Variants in CNTNAP4 observed in about 807,000 individuals in gnomAD.
CNTNAP4 encodes the protein contactin associated protein family member 4.
In CNTNAP4, 98 loss-of-function variants were observed where a neutral mutation model predicts 148.4. That is an observed-to-expected ratio of 0.66 (90% CI 0.56 to 0.78). The LOEUF (loss-of-function observed/expected upper bound fraction) is 0.78. Ranked by LOEUF, CNTNAP4 falls within the 30% of genes least tolerant of loss-of-function variation. The pLI, the probability that CNTNAP4 is intolerant of heterozygous loss-of-function variation, is 0.00. For missense variants in CNTNAP4, 1,935 were observed against 1,565.6 expected, an observed-to-expected ratio of 1.24 and a Z score of -3.98; for synonymous variants, 730 against 565.1, an observed-to-expected ratio of 1.29 and a Z score of -4.14.
At chr16:76,557,766 A>C (rs895112240) in intron 23 of CNTNAP4, 1 of 152,196 alleles carries the variant, frequency 6.6e-6, no homozygotes, top group African/African-American at 2.4e-5. Flanking sequence ...CAACAGAGTG[A>C]AAAAGACATC....
At chr16:76,366,993 A>G (rs997846616) in intron 3 of CNTNAP4, among the ~76,000 whole-genome samples, 10 of 152,014 alleles carry the variant, frequency 6.6e-5, no homozygotes, top group Middle Eastern at 3.2e-3. Flanking sequence ...AGAAATAACT[A>G]AGTTAATTAG....
Position 76,538,338 on chromosome 16 carries a change from A to G in CNTNAP4, c.3218A>G (p.Asn1073Ser), listed in dbSNP as rs2084308488. The change falls in exon 19 of 24, where the codon AAT becomes AGT. Residue 1073 changes from asparagine to serine, a missense_variant and splice_region_variant. Asn to Ser is a conservative substitution (Grantham distance 46, BLOSUM62 1). Transcript: ENST00000611870. Reference sequence around the variant, plus strand: ...TACCTTTCTGTGATCATTGCCAAAAATGGTGAGTTCTTTTTAGATGAGAGA... The same window carrying G: ...TACCTTTCTGTGATCATTGCCAAAAGTGGTGAGTTCTTTTTAGATGAGAGA... ...KEYLSVIIAKNGSLQIRYKLN... is the reference protein window; with the variant it reads ...KEYLSVIIAKSGSLQIRYKLN... 2 of 1,600,126 alleles carry G rather than the reference A, an allele frequency of 1.2e-6. No individual in the cohort carries two copies. The highest frequency in any genetic ancestry group is 1.7e-6 in the Non-Finnish European group (2 of 1,172,628).
chr16:76,538,022 A>AT, intron 18 of CNTNAP4, 94 bp from the exon 19 acceptor site: 2 of 501,200 alleles, frequency 4.0e-6, no homozygotes, highest in South Asian at 1.3e-4. Context: ...TATCTATGCA[A>AT]TTCATTAAAG....
At chr16:76,395,518 C>T (rs762097282) in intron 3 of CNTNAP4, among the ~76,000 whole-genome samples, 10 of 151,924 alleles carry the variant, frequency 6.6e-5, no homozygotes, top group Non-Finnish European at 1.2e-4. Context: ...CCTGCCTCAG[C>T]CTCCCAAAGT....
At chr16:76,287,002 G>T (rs1001046763) in intron 1 of CNTNAP4, among the ~76,000 whole-genome samples, 1 of 152,112 alleles carries the variant, frequency 6.6e-6, no homozygotes, top group African/African-American at 2.4e-5. Context: ...GTGCTTATTT[G>T]AACTGCTGTA....
chr16:76,415,930 G>GTT (rs35758749), intron 3 of CNTNAP4, among the ~76,000 whole-genome samples: 11 of 146,206 alleles, frequency 7.5e-5, no homozygotes, highest in African/African-American at 2.5e-4. Flanking sequence ...TATACTGTTT[G>GTT]TTTTTTTTTT....
intron 1 of CNTNAP4, among the ~76,000 whole-genome samples, chr16:76,289,083 T>C (rs1959006420): frequency 6.6e-6 from 1 of 152,072 alleles, no homozygotes; most frequent in African/African-American, 2.4e-5. Context: ...AAAAAAAATT[T>C]ATAGCAAATG....
intron 3 of CNTNAP4, among the ~76,000 whole-genome samples, chr16:76,397,211 G>T (rs1440765188): frequency 6.6e-6 from 1 of 151,928 alleles, no homozygotes; most frequent in Non-Finnish European, 1.5e-5. Flanking sequence ...GCAGAGAACA[G>T]TTTCCAAGCA....
Position 76,558,776 on chromosome 16 carries a change from C to T in CNTNAP4, c.*93C>T, listed in dbSNP as rs2085301514. On this transcript the variant is annotated 3_prime_UTR_variant, in exon 24 of 24. Transcript: ENST00000611870. ...AACGAATGCTCTTACACTGAATGTA[C>T]AGGCAGTGGGCTTGCAGCACTGCCA... 1.0e-6 allele frequency: 1 copy of T among 970,290 alleles called. No homozygotes were observed. Among genetic ancestry groups the T allele is most frequent in the Admixed American group, 2.7e-5 (1 of 36,406 alleles). 60.1% of individuals were successfully genotyped at this position (970,290 alleles called of 1,614,324 possible). A position where few individuals can be genotyped will look rare whatever the true frequency, so the allele number is the denominator to read the frequency against.
At chr16:76,353,117 C>G (rs1465377734) in intron 2 of CNTNAP4, among the ~76,000 whole-genome samples, 1 of 152,086 alleles carries the variant, frequency 6.6e-6, no homozygotes, top group Non-Finnish European at 1.5e-5. Flanking sequence ...AACGCATAAA[C>G]AAAACTTGTA....
At chr16:76,399,048 T>C (rs1205549156) in intron 3 of CNTNAP4, among the ~76,000 whole-genome samples, 1 of 152,114 alleles carries the variant, frequency 6.6e-6, no homozygotes, top group Non-Finnish European at 1.5e-5. Context: ...GGAATTCCCC[T>C]GCGCAAGCTC....
chr16:76,470,572 C>A (rs1429745283), intron 10 of CNTNAP4, among the ~76,000 whole-genome samples: 1 of 149,342 alleles, frequency 6.7e-6, no homozygotes, highest in African/African-American at 2.5e-5. Flanking sequence ...ATCGCTTGAA[C>A]CCGGGAGACG....
intron 3 of CNTNAP4, among the ~76,000 whole-genome samples, chr16:76,420,441 C>T (rs78269425): frequency 0.015 from 2,304 of 152,014 alleles, 58 homozygotes; most frequent in African/African-American, 0.053. Context: ...ACCAGAAGCA[C>T]TGAACCTCTC....
chr16:76,453,086 A>T (rs753659768), intron 8 of CNTNAP4, among the ~76,000 whole-genome samples: 1 of 152,200 alleles, frequency 6.6e-6, no homozygotes, highest in Non-Finnish European at 1.5e-5. Context: ...AAGACCTTGA[A>T]ATAGGCCAAC....
intron 11 of CNTNAP4, 33 bp from the exon 12 acceptor site, chr16:76,479,386 C>T: frequency 6.5e-7 from 1 of 1,539,390 alleles, no homozygotes; most frequent in Non-Finnish European, 8.8e-7. Context: ...TCATTTCATG[C>T]TATTCCATTA....
intron 1 of CNTNAP4, among the ~76,000 whole-genome samples, chr16:76,286,053 C>G (rs1382156435): frequency 6.6e-6 from 1 of 151,986 alleles, no homozygotes; most frequent in Non-Finnish European, 1.5e-5. Context: ...CTTCAGTATT[C>G]AAAGATACTA....
chr16:76,301,136 TA>T (rs1010946632), intron 1 of CNTNAP4, among the ~76,000 whole-genome samples: 3 of 151,808 alleles, frequency 2.0e-5, no homozygotes, highest in Admixed American at 6.6e-5. Context: ...GAGTAGTGTA[TA>T]AAAAATTAAC....
chr16:76,447,861 CA>C, intron 4 of CNTNAP4, 150 bp from the exon 5 acceptor site: 1 of 580,916 alleles, frequency 1.7e-6, no homozygotes, highest in Non-Finnish European at 3.1e-6. Context: ...ATGGGTTTAT[CA>C]GGATATAACT....
At chr16:76,532,855 G>T (rs1408894914) in intron 17 of CNTNAP4, among the ~76,000 whole-genome samples, 3 of 152,146 alleles carry the variant, frequency 2.0e-5, no homozygotes, top group African/African-American at 7.2e-5. Context: ...TGAAGATAAA[G>T]AAGTAGCAGC....
Sources: allele counts gnomAD v4.1 joint callset (sites outside exome capture counted in the v4.1 genomes callset), GRCh38; gene constraint gnomAD v4.1.1; transcripts MANE v1.5; gene names NCBI Gene and HGNC (gene_info 2026-07-23, HGNC 2026-07-21).